The following SLC35A5 variants were observed in gnomAD, a reference collection of about 807,000 sequenced individuals.
SLC35A5 encodes the protein UDP-sugar transporter protein SLC35A5.
SLC35A5 carries 28 observed loss-of-function variants against 36.3 expected under a neutral mutation model. That is an observed-to-expected ratio of 0.77 (90% confidence interval 0.57 to 1.06). The LOEUF (loss-of-function observed/expected upper bound fraction) is 1.06, where lower values mean the gene tolerates loss of function less well. Among genes scored for constraint, SLC35A5 ranks in the 50% least tolerant of loss-of-function variants. The pLI, the probability that SLC35A5 is intolerant of heterozygous loss-of-function variation, is 0.00. For missense variants in SLC35A5, 521 were observed against 499.3 expected, an observed-to-expected ratio of 1.04 and a Z score of -0.41; for synonymous variants, 180 against 173.7, an observed-to-expected ratio of 1.04 and a Z score of -0.29.
chr3:112,563,322 CA>C, intron 1 of SLC35A5, 62 bp from the exon 2 acceptor site: 7 of 1,349,830 alleles, frequency 5.2e-6, no homozygotes, highest in Non-Finnish European at 6.8e-6. Context: ...TCCTCACGAT[CA>C]ATGGTATTTG....
Position 112,569,220 on chromosome 3 carries a change from G to A in SLC35A5, c.180G>A (p.Leu60=), listed in dbSNP as rs1163830417. ...CTACTGTGAATGTGTGCTCAGAACT[G>A]GTGAAGCTAGTTTTCTGTGTGCTTG... ...LPTTVNVCSE[L]VKLVFCVLVS... The change falls in exon 3 of 7, where the codon CTG becomes CTA. Residue 60 remains leucine, a synonymous_variant. Transcript: ENST00000492406. 6.2e-7 allele frequency: 1 copy of A among 1,613,974 alleles called. No homozygotes were observed. Among genetic ancestry groups the A allele is most frequent in the South Asian group, 1.1e-5 (1 of 91,060 alleles).
At chr3:112,572,345 A>T (rs1934486875) in intron 4 of SLC35A5, among the ~76,000 whole-genome samples, 1 of 151,940 alleles carries the variant, frequency 6.6e-6, no homozygotes, top group Non-Finnish European at 1.5e-5. Context: ...ATAATATACT[A>T]GTTCAAAGGC....
At chr3:112,563,192 G>A (rs1439851611) in intron 1 of SLC35A5, among the ~76,000 whole-genome samples, 193 bp from the exon 2 acceptor site, 1 of 152,182 alleles carries the variant, frequency 6.6e-6, no homozygotes, top group East Asian at 1.9e-4. Flanking sequence ...TACGTTTTCT[G>A]TCTCCAGAGT....
chr3:112,565,335 C>G (rs952386821), intron 2 of SLC35A5, among the ~76,000 whole-genome samples: 5 of 152,154 alleles, frequency 3.3e-5, no homozygotes, highest in Non-Finnish European at 7.3e-5. Context: ...TCAGAGAACA[C>G]TTCGCTGATT....
chr3:112,561,518 A>C, upstream of SLC35A5: 1 of 1,607,754 alleles, frequency 6.2e-7, no homozygotes, highest in Non-Finnish European at 8.5e-7. Flanking sequence ...AGTATTAATC[A>C]CATTCTGCAT....
chr3:112,571,263 C>T (rs754416295), intron 4 of SLC35A5, among the ~76,000 whole-genome samples: 51 of 152,182 alleles, frequency 3.4e-4, no homozygotes, highest in Non-Finnish European at 6.2e-4. Context: ...GTTTAGAAAG[C>T]CATTAGTAAT....
At chr3:112,575,689 T>A (rs1934636811) in intron 5 of SLC35A5, among the ~76,000 whole-genome samples, 1 of 151,986 alleles carries the variant, frequency 6.6e-6, no homozygotes, top group Non-Finnish European at 1.5e-5. Flanking sequence ...CTGTTTTGAG[T>A]CCTTGGAAAA....
chr3:112,580,793 C>G lies in SLC35A5; in HGVS notation c.676C>G (p.His226Asp). 1.2e-6 allele frequency: 2 copies of G among 1,614,192 alleles called. No individual in the cohort carries two copies. The highest frequency in any genetic ancestry group is 1.1e-5 in the South Asian group (1 of 91,084). ...KWNTTARVFS[H>D]IRLGMGHVLI... ...GAACACCACAGCCAGAGTTTTCAGT[C>G]ACATCCGTCTTGGCATGGGCCATGT... The change falls in exon 6 of 7, where the codon CAC becomes GAC. Residue 226 changes from histidine (H) to aspartate (D), a missense_variant. By Grantham distance (81) the His-to-Asp change is moderately conservative. Coordinates refer to ENST00000492406, the MANE Select transcript of SLC35A5 (RefSeq NM_017945.5).
At chr3:112,576,474 T>C (rs1441222376) in intron 5 of SLC35A5, among the ~76,000 whole-genome samples, 1 of 152,072 alleles carries the variant, frequency 6.6e-6, no homozygotes, top group East Asian at 1.9e-4. Flanking sequence ...AGTCTATTCA[T>C]GTTGTGAAGT....
chr3:112,565,622 C>G (rs1207413218), intron 2 of SLC35A5, among the ~76,000 whole-genome samples: 1 of 152,036 alleles, frequency 6.6e-6, no homozygotes, highest in African/African-American at 2.4e-5. Context: ...ACTAGAAATA[C>G]AAAAAATTAG....
rs1159043349 is a variant in SLC35A5, at chr3:112,583,362, G to A, written c.*626G>A. 1 of 377,454 alleles carries A rather than the reference G, an allele frequency of 2.6e-6. No individual in the cohort carries two copies. The highest frequency in any genetic ancestry group is 4.7e-6 in the Non-Finnish European group (1 of 212,908). The allele number at this position is 377,454 out of a possible 1,614,324, so 23.4% of individuals were successfully genotyped here. On this transcript the variant is annotated 3_prime_UTR_variant, in exon 7 of 7. Transcript: ENST00000492406. Reference sequence around the variant, plus strand: ...AATTTTAATTTTTAGAAATTCATGGGAAATTGGATTTTTGTAATAATCTTT... The same window carrying A: ...AATTTTAATTTTTAGAAATTCATGGAAAATTGGATTTTTGTAATAATCTTT...
chr3:112,582,264 A>G (rs187639446), intron 6 of SLC35A5, among the ~76,000 whole-genome samples: 1 of 152,240 alleles, frequency 6.6e-6, no homozygotes, highest in East Asian at 1.9e-4. Flanking sequence ...TGAGTTTCGG[A>G]TACCCTGCTC....
upstream of SLC35A5, chr3:112,561,702 G>A (rs577430661): frequency 3.7e-3 from 2,380 of 639,420 alleles, 9 homozygotes; most frequent in Admixed American, 5.4e-3. Context: ...GGGGCGGGGC[G>A]GCAGGCACAG....
chr3:112,573,749 C>A, intron 4 of SLC35A5, 140 bp from the exon 5 acceptor site: 1 of 666,818 alleles, frequency 1.5e-6, no homozygotes, highest in Non-Finnish European at 2.7e-6. Context: ...GGAATTTAAT[C>A]CTTAGTTGAA....
In SLC35A5 at chr3:112,574,306, T is replaced by C. The variant is rs757787161; in HGVS notation, c.428+350T>C. 4.6e-5 allele frequency among the ~76,000 whole-genome samples: 7 copies of C among 152,238 alleles called. 1 individual carries two copies. The South Asian group carries it at 1.2e-3, about 27-fold the overall frequency. ...ATAGGGAAGCAAATGGTTCCTAAGA[T>C]TGTTAATATATTTGTAATTTGTAGT... On this transcript the variant is annotated intron_variant, in intron 5 of 6. Transcript: ENST00000492406.
chr3:112,562,927 G>A (rs895294999), intron 1 of SLC35A5, among the ~76,000 whole-genome samples: 1 of 152,208 alleles, frequency 6.6e-6, no homozygotes, highest in African/African-American at 2.4e-5. Context: ...GGGCGTGGTG[G>A]CGGGCGCTTG....
chr3:112,581,116 C>T lies in SLC35A5; in HGVS notation c.999C>T (p.Val333=). The T allele has an allele frequency of 1.2e-6, 2 of 1,613,928 alleles. No individual in the cohort carries two copies. The change falls in exon 6 of 7, where the codon GTC becomes GTT. Residue 333 remains valine (V), a synonymous_variant. Coordinates refer to ENST00000492406, the MANE Select transcript of SLC35A5 (RefSeq NM_017945.5). ...AGTTCCTGGATAACATGTTCCATGT[C>T]TTGATGGCCCAGGTTACCACTGTCA... is the stretch of plus-strand genomic sequence containing the variant. ...ILKFLDNMFH[V]LMAQVTTVII...
chr3:112,576,078 C>A (rs1201069199), intron 5 of SLC35A5, among the ~76,000 whole-genome samples: 2 of 150,892 alleles, frequency 1.3e-5, no homozygotes, highest in Non-Finnish European at 3.0e-5. Flanking sequence ...TTTTTTAACT[C>A]TTTTTTCTAA....
chr3:112,580,823 A>C lies in SLC35A5; in HGVS notation c.706A>C (p.Ile236Leu), dbSNP rs758430161. 1.4e-5 allele frequency: 22 copies of C among 1,614,056 alleles called. No individual in the cohort carries two copies. The highest frequency in any genetic ancestry group is 3.3e-5 in the Admixed American group (2 of 59,992). Reference sequence around the variant, plus strand: ...CCGTCTTGGCATGGGCCATGTTCTTATTATAGTCCAGTGTTTTATTTCTTC... The same window carrying C: ...CCGTCTTGGCATGGGCCATGTTCTTCTTATAGTCCAGTGTTTTATTTCTTC... ...HIRLGMGHVL[I>L]IVQCFISSMA... The change falls in exon 6 of 7, where the codon ATT becomes CTT. Residue 236 changes from isoleucine to leucine, a missense_variant. Transcript: ENST00000492406.
Sources: gnomAD v4.1 joint callset for allele counts (sites outside exome capture counted in the v4.1 genomes callset) on GRCh38, gnomAD v4.1.1 for gene constraint, MANE v1.5 for transcripts, NCBI Gene and HGNC (gene_info 2026-07-23, HGNC 2026-07-21) for gene names.